The following RBFOX1 variants were observed in gnomAD, a reference collection of about 807,000 sequenced individuals.
RBFOX1 encodes the protein RNA binding fox-1 homolog 1.
RBFOX1 carries 8 observed loss-of-function variants against 57.7 expected under a neutral mutation model. The observed-to-expected ratio is 0.14, with a 90% CI of 0.08 to 0.25. RBFOX1 has a LOEUF of 0.25. Among genes scored for constraint, RBFOX1 ranks in the 10% least tolerant of loss-of-function variants. The probability of loss-of-function intolerance (pLI) is 1.00; values close to 1 mark genes in which losing one functional copy is unlikely to be tolerated. For missense variants in RBFOX1, 611 were observed against 548.5 expected, an observed-to-expected ratio of 1.11 and a Z score of -1.14; for synonymous variants, 326 against 222.4, an observed-to-expected ratio of 1.47 and a Z score of -4.15.
chr16:5,581,005 G>C (rs1242966940), intron 2 of RBFOX1, among the ~76,000 whole-genome samples: 1 of 152,190 alleles, frequency 6.6e-6, no homozygotes, highest in Non-Finnish European at 1.5e-5. Context: ...GATGATTCAA[G>C]GGCTGTCAGT....
chr16:7,365,680 C>G (rs1475387468), intron 4 of RBFOX1, among the ~76,000 whole-genome samples: 1 of 152,156 alleles, frequency 6.6e-6, no homozygotes, highest in African/African-American at 2.4e-5. Flanking sequence ...AGTAAAGGTA[C>G]TTTACTTCCC....
intron 2 of RBFOX1, among the ~76,000 whole-genome samples, chr16:6,405,686 C>G (rs2152959905): frequency 6.6e-6 from 1 of 152,226 alleles, no homozygotes; most frequent in South Asian, 2.1e-4. Flanking sequence ...CACAAGGGTC[C>G]AAGAGGTAGA....
At chr16:7,066,656 C>T (rs2056116899) in intron 4 of RBFOX1, among the ~76,000 whole-genome samples, 2 of 152,170 alleles carry the variant, frequency 1.3e-5, no homozygotes, top group Non-Finnish European at 2.9e-5. Context: ...ACTATAGCAG[C>T]AATTATAGAA....
Position 5,253,316 on chromosome 16 carries a change from A to T in RBFOX1, c.219+13211A>T, listed in dbSNP as rs547618215. Among the ~76,000 whole-genome samples, 166 of 151,880 alleles carry T rather than the reference A, an allele frequency of 1.1e-3. 2 individuals are homozygous for T. Among genetic ancestry groups the T allele is most frequent in the African/African-American group, 3.8e-3 (157 of 41,384 alleles). On this transcript the variant is annotated intron_variant, in intron 1 of 2. Coordinates refer to the RBFOX1 transcript ENST00000585867. ...AGGCACCCACAACCACACCCAGCTA[A>T]TTTTTTTGTATTTTGAGTAGAGAGG...
In RBFOX1 at chr16:7,712,104, G is replaced by C. The variant is rs1300835324; in HGVS notation, c.*1359G>C. ...CCCACCTTTCTCGGATGCAGGGCCA[G>C]AGTGACACAGCCGAAAAATTGCAGT... On this transcript the variant is annotated 3_prime_UTR_variant, in exon 16 of 16. Transcript: ENST00000550418. 1.3e-5 allele frequency: 2 copies of C among 152,624 alleles called. No homozygotes were observed. The highest frequency in any genetic ancestry group is 4.1e-4 in the South Asian group (2 of 4,830). The allele number at this position is 152,624 out of a possible 1,614,324, so 9.5% of individuals were successfully genotyped here. A position where few individuals can be genotyped will look rare whatever the true frequency, so the allele number is the denominator to read the frequency against.
At chr16:6,305,900 G>T (rs2079452200) in intron 1 of RBFOX1, among the ~76,000 whole-genome samples, 1 of 151,988 alleles carries the variant, frequency 6.6e-6, no homozygotes, top group African/African-American at 2.4e-5. Flanking sequence ...GACCCCTTAG[G>T]AGCTGGACAT....
intron 3 of RBFOX1, among the ~76,000 whole-genome samples, chr16:6,660,390 G>C (rs1162456406): frequency 6.6e-6 from 1 of 152,010 alleles, no homozygotes; most frequent in Non-Finnish European, 1.5e-5. Context: ...ATGTACCCCA[G>C]AACTAAAAAT....
intron 1 of RBFOX1, among the ~76,000 whole-genome samples, chr16:6,028,582 G>T (rs1459320815): frequency 1.3e-5 from 2 of 151,704 alleles, no homozygotes; most frequent in Non-Finnish European, 2.9e-5. Flanking sequence ...TACTCAGGAG[G>T]CTGGGACAGG....
chr16:5,715,260 A>T (rs2051650881), intron 3 of RBFOX1, among the ~76,000 whole-genome samples: 1 of 152,212 alleles, frequency 6.6e-6, no homozygotes, highest in African/African-American at 2.4e-5. Context: ...TAATTCAATT[A>T]CAGAGAAGCT....
intron 14 of RBFOX1, among the ~76,000 whole-genome samples, chr16:7,687,664 C>T (rs933977687): frequency 5.3e-5 from 8 of 151,948 alleles, no homozygotes; most frequent in Non-Finnish European, 1.5e-5. Context: ...CTTAATTTTA[C>T]ATGTAAAAAA....
intron 4 of RBFOX1, among the ~76,000 whole-genome samples, chr16:7,311,234 G>C (rs924772239): frequency 6.6e-5 from 10 of 152,164 alleles, no homozygotes; most frequent in African/African-American, 2.2e-4. Context: ...TAGCTGAAGA[G>C]CAGTCCTACC....
intron 2 of RBFOX1, among the ~76,000 whole-genome samples, chr16:6,650,384 G>A (rs1476395584): frequency 6.6e-6 from 1 of 152,106 alleles, no homozygotes; most frequent in Non-Finnish European, 1.5e-5. Context: ...CCACCTTGAG[G>A]AAAATAAAAT....
intron 4 of RBFOX1, among the ~76,000 whole-genome samples, chr16:7,192,323 A>G (rs921998753): frequency 7.9e-5 from 12 of 152,104 alleles, no homozygotes; most frequent in African/African-American, 2.9e-4. Flanking sequence ...TTCAGTGGAG[A>G]GGTTCCATCT....
chr16:5,608,006 T>C (rs1156629717), intron 3 of RBFOX1, among the ~76,000 whole-genome samples: 1 of 152,230 alleles, frequency 6.6e-6, no homozygotes, highest in East Asian at 1.9e-4. Context: ...ACGCAGGTAC[T>C]CATTTATCTG....
chr16:7,154,081 C>G (rs1020384234), intron 4 of RBFOX1, among the ~76,000 whole-genome samples: 1 of 152,118 alleles, frequency 6.6e-6, no homozygotes, highest in Non-Finnish European at 1.5e-5. Context: ...TGGGCTAGAA[C>G]TTACAGGGGA....
intron 1 of RBFOX1, among the ~76,000 whole-genome samples, chr16:6,302,325 A>T (rs547914071): frequency 1.1e-4 from 16 of 151,040 alleles, no homozygotes; most frequent in African/African-American, 3.9e-4. Context: ...CTGCCTCGCT[A>T]TTTTTCCTTC....
At chr16:5,535,220 G>C (rs1242299312) in intron 2 of RBFOX1, among the ~76,000 whole-genome samples, 3 of 152,152 alleles carry the variant, frequency 2.0e-5, no homozygotes, top group Admixed American at 6.5e-5. Flanking sequence ...CAGTAGCCAC[G>C]TGTGGCTAGT....
chr16:7,257,192 C>T (rs1221719922), intron 4 of RBFOX1, among the ~76,000 whole-genome samples: 1 of 152,142 alleles, frequency 6.6e-6, no homozygotes, highest in African/African-American at 2.4e-5. Flanking sequence ...CTCATTAAGA[C>T]TTAATCGCTA....
At chr16:6,418,531 T>TTTA (rs2093688392) in intron 2 of RBFOX1, among the ~76,000 whole-genome samples, 1 of 145,744 alleles carries the variant, frequency 6.9e-6, no homozygotes, top group African/African-American at 2.6e-5. Context: ...TTTTTTTTTT[T>TTTA]TTTTTTTTTT....
Sources: gnomAD v4.1 joint callset for allele counts (sites outside exome capture counted in the v4.1 genomes callset) on GRCh38, gnomAD v4.1.1 for gene constraint, MANE v1.5 for transcripts, NCBI Gene and HGNC (gene_info 2026-07-23, HGNC 2026-07-21) for gene names.